The following TRIM2 variants were observed in gnomAD, a reference collection of about 807,000 sequenced individuals.
TRIM2 encodes the protein tripartite motif containing 2, also known as tripartite motif-containing protein 2.
In TRIM2, 20 loss-of-function variants were observed where a neutral mutation model predicts 75.2. That is an observed-to-expected ratio of 0.27 (90% CI 0.19 to 0.39). The LOEUF (loss-of-function observed/expected upper bound fraction) is 0.39, where lower values mean the gene tolerates loss of function less well. Ranked by LOEUF, TRIM2 falls within the 10% of genes least tolerant of loss-of-function variation. TRIM2 has a pLI of 1.00. For missense variants in TRIM2, 660 were observed against 990.8 expected, an observed-to-expected ratio of 0.67 and a Z score of 4.48; for synonymous variants, 373 against 388.3, an observed-to-expected ratio of 0.96 and a Z score of 0.46.
chr4:153,244,152 T>TCTTC, intron 1 of TRIM2, among the ~76,000 whole-genome samples: 2 of 113,874 alleles, frequency 1.8e-5, no homozygotes, highest in African/African-American at 5.7e-5. Context: ...TTGTTCTTCT[T>TCTTC]GTTCTTCTTC....
chr4:153,192,286 A>G (rs1733274373), intron 1 of TRIM2, among the ~76,000 whole-genome samples: 1 of 152,168 alleles, frequency 6.6e-6, no homozygotes, highest in African/African-American at 2.4e-5. Context: ...ATCTCTAAAC[A>G]GTGGGGGAGA....
At chr4:153,329,709 C>T (rs376875557) in intron 11 of TRIM2, among the ~76,000 whole-genome samples, 20 of 151,854 alleles carry the variant, frequency 1.3e-4, no homozygotes, top group Middle Eastern at 3.4e-3. Flanking sequence ...TGGTGGCAGG[C>T]GCCTGCAAGC....
intron 1 of TRIM2, among the ~76,000 whole-genome samples, chr4:153,177,661 C>T (rs555286623): frequency 2.7e-4 from 41 of 151,286 alleles, no homozygotes; most frequent in Middle Eastern, 3.2e-3. Context: ...AAAAAAAAAT[C>T]AGGAGTCCTA....
intron 1 of TRIM2, among the ~76,000 whole-genome samples, chr4:153,183,238 A>G (rs1186352479): frequency 6.6e-6 from 1 of 152,190 alleles, no homozygotes; most frequent in Admixed American, 6.5e-5. Flanking sequence ...CTGGGCAGTG[A>G]TGCATGGGCT....
intron 1 of TRIM2, among the ~76,000 whole-genome samples, chr4:153,197,122 A>C (rs1389651647): frequency 1.3e-5 from 2 of 152,334 alleles, no homozygotes; most frequent in South Asian, 4.1e-4. Context: ...TATGAAACTG[A>C]CTTTAGGCCT....
intron 3 of TRIM2, among the ~76,000 whole-genome samples, chr4:153,278,371 C>T (rs1758482020): frequency 6.6e-6 from 1 of 152,200 alleles, no homozygotes; most frequent in Non-Finnish European, 1.5e-5. Flanking sequence ...GCCTTGGCCT[C>T]CCAAAGTGCT....
chr4:153,217,696 GT>G (rs1738859281), intron 1 of TRIM2, among the ~76,000 whole-genome samples: 1 of 113,282 alleles, frequency 8.8e-6, no homozygotes, highest in Non-Finnish European at 1.9e-5. Flanking sequence ...AGTTGGCTAT[GT>G]TTAGAGGCTA....
intron 11 of TRIM2, among the ~76,000 whole-genome samples, chr4:153,334,594 A>C: frequency 6.6e-6 from 1 of 152,122 alleles, no homozygotes; most frequent in Non-Finnish European, 1.5e-5. Context: ...TTATCTTAGC[A>C]CTTTGGGAGG....
At chr4:153,199,772 A>AT (rs1294136215), upstream of TRIM2, among the ~76,000 whole-genome samples, 1 of 151,734 alleles carries the variant, frequency 6.6e-6, no homozygotes, top group Non-Finnish European at 1.5e-5. Context: ...TTTATTGTTT[A>AT]TTTTTATCAT....
At chr4:153,181,261 T>C (rs1310889896) in intron 1 of TRIM2, among the ~76,000 whole-genome samples, 2 of 152,230 alleles carry the variant, frequency 1.3e-5, no homozygotes, top group Non-Finnish European at 2.9e-5. Context: ...ACAGGTGGGA[T>C]TCAGTGCAGG....
intron 1 of TRIM2, among the ~76,000 whole-genome samples, chr4:153,184,597 C>T (rs561282479): frequency 6.6e-6 from 1 of 152,228 alleles, no homozygotes; most frequent in East Asian, 1.9e-4. Flanking sequence ...GAACAGAGCC[C>T]CAGTCCAGTC....
intron 1 of TRIM2, among the ~76,000 whole-genome samples, chr4:153,154,285 G>A (rs1403041031): frequency 1.3e-5 from 2 of 152,146 alleles, no homozygotes; most frequent in Admixed American, 6.5e-5. Flanking sequence ...CAGTCTCTGA[G>A]GCTCAGGTTT....
At chr4:153,312,715 C>T (rs1020452437) in intron 6 of TRIM2, among the ~76,000 whole-genome samples, 5 of 152,080 alleles carry the variant, frequency 3.3e-5, no homozygotes, top group Non-Finnish European at 5.9e-5. Context: ...GGGTATATAT[C>T]CAAAGGACTA....
chr4:153,294,321 T>G lies in TRIM2; in HGVS notation c.622T>G (p.Ser208Ala). 6.2e-7 allele frequency: 1 copy of G among 1,614,138 alleles called. No individual in the cohort carries two copies. The highest frequency in any genetic ancestry group is 8.5e-7 in the Non-Finnish European group (1 of 1,180,020). The change falls in exon 5 of 12, where the codon TCT becomes GCT. Residue 208 changes from serine to alanine, a missense_variant. Transcript: ENST00000338700. ...GTCCACCAGGCTCCCAGAAATAGAT[T>G]CTGCTCTTCAGTTCATCTCTGAAAT... ...AVNKRLPEID[S>A]ALQFISEIIH...
chr4:153,324,813 T>C (rs1026465063), intron 10 of TRIM2, among the ~76,000 whole-genome samples: 7 of 152,254 alleles, frequency 4.6e-5, no homozygotes, highest in Non-Finnish European at 1.0e-4. Context: ...GTGTGATGCA[T>C]GTTCCACTGA....
intron 6 of TRIM2, among the ~76,000 whole-genome samples, chr4:153,309,460 G>A (rs766236073): frequency 1.6e-4 from 24 of 152,070 alleles, no homozygotes; most frequent in Non-Finnish European, 2.6e-4. Context: ...GTGATACAAT[G>A]GGGGTTGTAA....
intron 1 of TRIM2, among the ~76,000 whole-genome samples, chr4:153,207,233 A>G (rs1465234000): frequency 6.6e-6 from 1 of 152,140 alleles, no homozygotes; most frequent in Non-Finnish European, 1.5e-5. Flanking sequence ...TTATCTGTAA[A>G]ATTCGCTAAA....
intron 1 of TRIM2, among the ~76,000 whole-genome samples, chr4:153,195,480 C>T (rs986433135): frequency 6.6e-6 from 1 of 151,962 alleles, no homozygotes; most frequent in African/African-American, 2.4e-5. Flanking sequence ...CGCACCACTA[C>T]GCTCCAGCCT....
In TRIM2 at chr4:153,294,584, T is replaced by C. The variant is rs537437736; in HGVS notation, c.786+99T>C. Reference sequence around the variant, plus strand: ...AGCAACAAGGGGTCCTTAAGTGTCATCATTGTATAGTAAACTATAGTTTTC... The same window carrying C: ...AGCAACAAGGGGTCCTTAAGTGTCACCATTGTATAGTAAACTATAGTTTTC... On this transcript the variant is annotated intron_variant, in intron 5 of 11. Coordinates refer to ENST00000338700, the MANE Select transcript of TRIM2 (RefSeq NM_015271.5). The C allele has an allele frequency of 9.7e-5, 123 of 1,262,714 alleles. 2 individuals carry two copies. In the South Asian group the frequency reaches 1.9e-3, roughly 19 times the overall value. The allele number at this position is 1,262,714 out of a possible 1,614,324, so 78.2% of individuals were successfully genotyped here. A position where few individuals can be genotyped will look rare whatever the true frequency, so the allele number is the denominator to read the frequency against.
Sources: allele counts gnomAD v4.1 joint callset (sites outside exome capture counted in the v4.1 genomes callset), GRCh38; gene constraint gnomAD v4.1.1; transcripts MANE v1.5; gene names NCBI Gene and HGNC (gene_info 2026-07-23, HGNC 2026-07-21).